Variants in DCAF6 observed in about 807,000 individuals in gnomAD.
DCAF6 encodes the protein DDB1 and CUL4 associated factor 6, also known as DDB1- and CUL4-associated factor 6.
DCAF6 carries 54 observed loss-of-function variants against 125.1 expected under a neutral mutation model. The ratio of observed to expected loss-of-function variants is 0.43; its 90% CI spans 0.35 to 0.54. The LOEUF (loss-of-function observed/expected upper bound fraction) is 0.54, where lower values mean the gene tolerates loss of function less well. Ranked by LOEUF, DCAF6 falls within the 20% of genes least tolerant of loss-of-function variation. The probability of loss-of-function intolerance (pLI) is 0.01; values close to 1 mark genes in which losing one functional copy is unlikely to be tolerated. For missense variants in DCAF6, 934 were observed against 1,161.7 expected (o/e 0.80, Z 2.85); for synonymous variants, 371 against 390.4 (o/e 0.95, Z 0.58).
At chr1:167,864,420 A>G in the DCAF6 span, among the ~76,000 whole-genome samples, 1 of 152,184 alleles carries the variant, frequency 6.6e-6, no homozygotes, top group Non-Finnish European at 1.5e-5. Context: ...GGAAGCCTAG[A>G]CAGGTCCCTT....
the DCAF6 span, among the ~76,000 whole-genome samples, chr1:167,882,748 C>A: frequency 6.6e-6 from 1 of 152,114 alleles, no homozygotes; most frequent in Non-Finnish European, 1.5e-5. Context: ...ATAGTGAGCT[C>A]AGACGGGGAT....
the DCAF6 span, among the ~76,000 whole-genome samples, chr1:167,891,853 A>T: frequency 1.3e-5 from 2 of 152,194 alleles, no homozygotes; most frequent in African/African-American, 4.8e-5. Flanking sequence ...AGGAATTGGT[A>T]TAGGGAATAA....
chr1:168,019,606 T>C (rs1009202361), intron 11 of DCAF6: 2 of 452,094 alleles, frequency 4.4e-6, no homozygotes, highest in African/African-American at 4.0e-5. Context: ...TGGAGTCTGC[T>C]GGTACTGACC....
At chr1:168,049,701 G>A (rs1192755358) in intron 16 of DCAF6, among the ~76,000 whole-genome samples, 2 of 133,352 alleles carry the variant, frequency 1.5e-5, no homozygotes, top group South Asian at 2.3e-4. Flanking sequence ...CCTCACCCAG[G>A]CTGGAGTGCA....
intron 13 of DCAF6, among the ~76,000 whole-genome samples, chr1:168,040,376 G>T (rs948746050): frequency 2.0e-5 from 3 of 151,922 alleles, no homozygotes. Context: ...TGGTTATTGT[G>T]TTGAGCATAT....
chr1:168,005,421 T>C (rs1227448668), intron 10 of DCAF6, among the ~76,000 whole-genome samples: 2 of 152,120 alleles, frequency 1.3e-5, no homozygotes, highest in Admixed American at 1.3e-4. Context: ...GTCTTTATGG[T>C]CAACTTTTTT....
At chr1:167,887,562 G>C in the DCAF6 span, among the ~76,000 whole-genome samples, 2 of 152,052 alleles carry the variant, frequency 1.3e-5, no homozygotes, top group African/African-American at 4.8e-5. Flanking sequence ...GGGGGAAGGG[G>C]GAGGGATAGC....
intron 3 of DCAF6, among the ~76,000 whole-genome samples, chr1:167,972,399 G>A (rs1677472394): frequency 6.6e-6 from 1 of 152,146 alleles, no homozygotes; most frequent in African/African-American, 2.4e-5. Context: ...CAAATGATAG[G>A]AATCAGATAA....
chr1:167,958,285 T>G (rs558214720), intron 2 of DCAF6, among the ~76,000 whole-genome samples: 1 of 152,218 alleles, frequency 6.6e-6, no homozygotes, highest in East Asian at 1.9e-4. Flanking sequence ...TTTAGATATT[T>G]GATCTATTTT....
At position 168,075,407 on chromosome 1, in the gene DCAF6, A is replaced by G. The variant is rs774504428; in HGVS notation, c.2828A>G (p.Gln943Arg). 1 of 1,602,558 alleles carries G rather than the reference A, an allele frequency of 6.2e-7. No homozygotes were observed. The highest frequency in any genetic ancestry group is 8.5e-7 in the Non-Finnish European group (1 of 1,177,284). Residue 943 changes from glutamine to arginine, a missense_variant, in exon 22 of 22, where the codon CAA (glutamine) becomes CGA (arginine). Around this residue, in one of 5 missense-constraint regions of DCAF6, gnomAD observed 36 missense variants for 39.8 expected, o/e 0.91. Transcript: ENST00000367840. ...LEGDRSEGSG[Q>R]ENENEDEE Reference sequence around the variant, plus strand: ...GGTGACAGATCAGAAGGCTCTGGTCAAGAGAATGAAAATGAGGATGAGGAA... The same window carrying G: ...GGTGACAGATCAGAAGGCTCTGGTCGAGAGAATGAAAATGAGGATGAGGAA...
At chr1:167,952,276 C>G (rs1448406285) in intron 2 of DCAF6, among the ~76,000 whole-genome samples, 1 of 152,088 alleles carries the variant, frequency 6.6e-6, no homozygotes, top group Non-Finnish European at 1.5e-5. Flanking sequence ...TCTCGGCTCA[C>G]TGCAAGCTCA....
At chr1:167,943,839 T>C (rs1388806546) in intron 1 of DCAF6, among the ~76,000 whole-genome samples, 1 of 151,610 alleles carries the variant, frequency 6.6e-6, no homozygotes, top group Non-Finnish European at 1.5e-5. Context: ...ATGTCATGAT[T>C]TCATTCATTT....
At chr1:168,065,317 G>GTT (rs879159960) in intron 18 of DCAF6, among the ~76,000 whole-genome samples, 1 of 146,000 alleles carries the variant, frequency 6.8e-6, no homozygotes, top group Non-Finnish European at 1.5e-5. Context: ...ATTTTTGTCA[G>GTT]TTTTTTTTTT....
chr1:167,893,860 A>G, the DCAF6 span: 1 of 1,612,626 alleles, frequency 6.2e-7, no homozygotes, highest in Non-Finnish European at 8.5e-7. Flanking sequence ...TACCTGCTTC[A>G]AAATGCTTTC....
Position 167,936,906 on chromosome 1 carries a change from A to G in DCAF6, c.-6A>G, listed in dbSNP as rs778967217. 2.4e-5 allele frequency: 38 copies of G among 1,559,386 alleles called. No homozygotes were observed. Among genetic ancestry groups the G allele is most frequent in the South Asian group, 1.6e-4 (14 of 87,526 alleles). On this transcript the variant is annotated 5_prime_UTR_variant, in exon 1 of 22. Transcript: ENST00000367840. ...GTCTCCCCTCCCACCCGGCTCAGGCAGAGCCATGTCTCGGGGTGGCTCCTA... is the reference window on the plus strand; with the variant it reads ...GTCTCCCCTCCCACCCGGCTCAGGCGGAGCCATGTCTCGGGGTGGCTCCTA...
At chr1:167,997,259 A>G (rs576022563) in intron 7 of DCAF6, among the ~76,000 whole-genome samples, 26 of 152,334 alleles carry the variant, frequency 1.7e-4, no homozygotes, top group South Asian at 1.0e-3. Context: ...TTCTTTGGCT[A>G]TGTAATATAA....
At chr1:168,063,827 A>G (rs1691929383) in intron 18 of DCAF6, 68 bp downstream of exon 18, 1 of 1,456,620 alleles carries the variant, frequency 6.9e-7, no homozygotes, top group Non-Finnish European at 9.3e-7. Flanking sequence ...TTCCATAATG[A>G]TTTATCTTCA....
intron 17 of DCAF6, among the ~76,000 whole-genome samples, chr1:168,054,112 C>T (rs1690296974): frequency 6.6e-6 from 1 of 152,100 alleles, no homozygotes; most frequent in Non-Finnish European, 1.5e-5. Flanking sequence ...ACATATAGAA[C>T]TTTTTTATTG....
chr1:167,865,202 G>A, the DCAF6 span, among the ~76,000 whole-genome samples: 1 of 151,968 alleles, frequency 6.6e-6, no homozygotes, highest in Non-Finnish European at 1.5e-5. Context: ...ATTAGAAGGA[G>A]GCATAAGAAT....
Sources: allele counts gnomAD v4.1 joint callset (sites outside exome capture counted in the v4.1 genomes callset), GRCh38; gene constraint gnomAD v4.1.1; regional missense constraint gnomAD v4.1.1; transcripts MANE v1.5; gene names NCBI Gene and HGNC (gene_info 2026-07-23, HGNC 2026-07-21).